The following UPRT variants were observed in gnomAD, a reference collection of about 807,000 sequenced individuals.
UPRT encodes the protein uracil phosphoribosyltransferase homolog.
UPRT carries 5 observed loss-of-function variants against 22.6 expected under a neutral mutation model. The ratio of observed to expected loss-of-function variants is 0.22; its 90% confidence interval spans 0.12 to 0.47. The LOEUF (loss-of-function observed/expected upper bound fraction) is 0.47, where lower values mean the gene tolerates loss of function less well. Among genes scored for constraint, UPRT ranks in the 20% least tolerant of loss-of-function variants. UPRT has a pLI of 0.99. For missense variants in UPRT, 181 were observed against 239.9 expected (o/e 0.75, Z 1.62); for synonymous variants, 77 against 87.7 (o/e 0.88, Z 0.68).
chrX:75,236,353 T>G (rs181999840), intron 4 of UPRT, among the ~76,000 whole-genome samples: 150 of 111,388 alleles, frequency 1.3e-3, no homozygotes, highest in Non-Finnish European at 2.5e-3. Context: ...GAATGAATAT[T>G]GTGAAAATGG....
chrX:75,257,565 G>A, intron 4 of UPRT, among the ~76,000 whole-genome samples: 1 of 111,697 alleles, frequency 9.0e-6, no homozygotes, highest in Non-Finnish European at 1.9e-5. Context: ...AATCGATAAA[G>A]AGAAAGTTAA....
intron 4 of UPRT, among the ~76,000 whole-genome samples, chrX:75,204,368 A>G (rs1404810976): frequency 1.8e-5 from 2 of 112,501 alleles, no homozygotes; most frequent in Middle Eastern, 4.7e-3. Context: ...TTTGGAGATT[A>G]AAACACCAGA....
intron 4 of UPRT, among the ~76,000 whole-genome samples, chrX:75,175,930 C>T (rs1310370292): frequency 1.8e-5 from 2 of 110,995 alleles, no homozygotes; most frequent in Non-Finnish European, 3.8e-5. Context: ...TTAATAATGC[C>T]TCTAGATTTT....
chrX:75,291,443 G>T, intron 1 of UPRT: 1 of 320,948 alleles, frequency 3.1e-6, no homozygotes, highest in South Asian at 2.8e-5. Context: ...TGAAGTGTGT[G>T]GAATGAAGAA....
At chrX:75,245,064 CTG>C (rs746786445) in intron 4 of UPRT, among the ~76,000 whole-genome samples, 2 of 110,175 alleles carry the variant, frequency 1.8e-5, no homozygotes, top group Non-Finnish European at 3.8e-5. Context: ...TTAAAAAAAA[CTG>C]AACAAATCAA....
chrX:75,241,258 G>A (rs184310201), intron 4 of UPRT, among the ~76,000 whole-genome samples: 167 of 110,982 alleles, frequency 1.5e-3, no homozygotes, highest in African/African-American at 5.2e-3. Context: ...TCAAAAAGTG[G>A]GCTAAGAACA....
At chrX:75,175,913 G>T (rs978395605) in intron 4 of UPRT, among the ~76,000 whole-genome samples, 45 of 110,980 alleles carry the variant, frequency 4.1e-4, no homozygotes, top group African/African-American at 1.4e-3. Context: ...CACTGAGTTT[G>T]CCACGTTTAA....
intron 4 of UPRT, among the ~76,000 whole-genome samples, chrX:75,233,580 C>T (rs1266503543): frequency 6.3e-5 from 7 of 110,869 alleles, no homozygotes; most frequent in East Asian, 2.8e-4. Flanking sequence ...AGACTAACAG[C>T]GGATCTCTCA....
chrX:75,289,257 C>G (rs1409695608), intron 1 of UPRT, among the ~76,000 whole-genome samples: 3 of 110,707 alleles, frequency 2.7e-5, no homozygotes, highest in Non-Finnish European at 3.8e-5. Context: ...ATCAAGGGGG[C>G]AAAAGATCTC....
At chrX:75,192,496 T>A (rs762450067) in intron 4 of UPRT, among the ~76,000 whole-genome samples, 2 of 111,687 alleles carry the variant, frequency 1.8e-5, no homozygotes, top group South Asian at 7.5e-4. Context: ...CAGCATTGAG[T>A]TAAGGTCCTG....
chrX:75,251,395 A>G (rs1375970530), intron 4 of UPRT, among the ~76,000 whole-genome samples: 1 of 111,641 alleles, frequency 9.0e-6, no homozygotes, highest in Non-Finnish European at 1.9e-5. Flanking sequence ...TGCAAAAATC[A>G]CAAGCATTCT....
intron 4 of UPRT, among the ~76,000 whole-genome samples, chrX:75,248,613 G>T (rs1019657265): frequency 1.8e-5 from 2 of 111,910 alleles, no homozygotes; most frequent in African/African-American, 6.5e-5. Flanking sequence ...GGGGAGAATG[G>T]AACCAAGTTG....
chrX:75,172,311 C>T (rs987182151), intron 4 of UPRT, among the ~76,000 whole-genome samples: 1 of 110,858 alleles, frequency 9.0e-6, no homozygotes, highest in Non-Finnish European at 1.9e-5. Flanking sequence ...AGTTATGTTC[C>T]CAGGAGGATT....
chrX:75,196,415 A>G (rs915012291), intron 4 of UPRT, among the ~76,000 whole-genome samples: 1 of 112,751 alleles, frequency 8.9e-6, no homozygotes, highest in African/African-American at 3.2e-5. Flanking sequence ...CGAATTATTG[A>G]TCAAAAGCTC....
chrX:75,256,091 C>T (rs1451390859), intron 4 of UPRT, among the ~76,000 whole-genome samples: 1 of 111,546 alleles, frequency 9.0e-6, no homozygotes, highest in African/African-American at 3.3e-5. Flanking sequence ...GGAACTTTCT[C>T]CAAGATAGAC....
chrX:75,274,515 C>A lies in UPRT; in HGVS notation c.261C>A (p.Ser87Arg), dbSNP rs1341666562. 1 of 1,211,794 alleles carries A rather than the reference C, an allele frequency of 8.3e-7. No homozygotes were observed. Among genetic ancestry groups the A allele is most frequent in the Admixed American group, 2.2e-5 (1 of 46,045 alleles). ...ACAGTGGTAGTGGTGACAGTAGCAG[C>A]TATGACGCACCAGCTGGCAACTCCT... ...EGNSGSGDSS[S>R]YDAPAGNSFL... The change falls in exon 1 of 7, where the codon AGC (serine) becomes AGA (arginine). Residue 87 changes from serine (S) to arginine (R), a missense_variant. Around this residue, in one of 2 missense-constraint regions of UPRT, gnomAD observed 111 missense variants for 102.8 expected, o/e 1.08. Coordinates refer to ENST00000373383, the MANE Select transcript of UPRT (RefSeq NM_145052.4).
At chrX:75,241,734 C>T (rs1294005841) in intron 4 of UPRT, among the ~76,000 whole-genome samples, 1 of 111,826 alleles carries the variant, frequency 8.9e-6, no homozygotes, top group African/African-American at 3.2e-5. Flanking sequence ...GGAATTGTTC[C>T]TAGCCATGTA....
chrX:75,221,033 T>C (rs1435616749), intron 4 of UPRT, among the ~76,000 whole-genome samples: 1 of 111,908 alleles, frequency 8.9e-6, no homozygotes, highest in African/African-American at 3.2e-5. Flanking sequence ...AGTTTTCATT[T>C]GTCTAGGAAA....
intron 1 of UPRT, among the ~76,000 whole-genome samples, chrX:75,284,713 C>T (rs1337451369): frequency 9.0e-6 from 1 of 111,183 alleles, no homozygotes; most frequent in East Asian, 2.8e-4. Flanking sequence ...GGGGGGGGTG[C>T]AGTGGACTCC....
Sources: allele counts gnomAD v4.1 joint callset (sites outside exome capture counted in the v4.1 genomes callset), GRCh38; gene constraint gnomAD v4.1.1; regional missense constraint gnomAD v4.1.1; transcripts MANE v1.5; gene names NCBI Gene and HGNC (gene_info 2026-07-23, HGNC 2026-07-21).